The following CD226 variants were observed in gnomAD, a reference collection of about 807,000 sequenced individuals.
The protein encoded by CD226 is CD226 antigen.
Under a neutral mutation model 34.9 loss-of-function variants are expected in CD226, and 24 were observed. That is an observed-to-expected ratio of 0.69 (90% confidence interval 0.50 to 0.97). The LOEUF (loss-of-function observed/expected upper bound fraction) is 0.97. Ranked by LOEUF, CD226 falls within the 50% of genes least tolerant of loss-of-function variation. The pLI, the probability that CD226 is intolerant of heterozygous loss-of-function variation, is 0.00. For synonymous variants in CD226, 148 were observed against 147.4 expected (o/e 1.00, Z -0.03); for missense variants, 397 against 412.7 (o/e 0.96, Z 0.33).
At chr18:69,928,989 T>A (rs991982400) in intron 2 of CD226, among the ~76,000 whole-genome samples, 1 of 152,124 alleles carries the variant, frequency 6.6e-6, no homozygotes, top group Non-Finnish European at 1.5e-5. Context: ...CTTGTAAGAA[T>A]CAAGATTAAC....
At chr18:69,869,318 C>T (rs981085863) in intron 4 of CD226, among the ~76,000 whole-genome samples, 1 of 152,214 alleles carries the variant, frequency 6.6e-6, no homozygotes, top group African/African-American at 2.4e-5. Context: ...GAACACTATA[C>T]AGCCACAGAA....
At chr18:69,916,387 T>A (rs1056112484) in intron 2 of CD226, among the ~76,000 whole-genome samples, 2 of 152,038 alleles carry the variant, frequency 1.3e-5, no homozygotes, top group African/African-American at 4.8e-5. Flanking sequence ...CTCTATTTCC[T>A]CTCCCAAAAT....
rs746614473 is a variant in CD226, at chr18:69,947,446, A to T, written c.-40T>A. 1.4e-6 allele frequency: 2 copies of T among 1,467,190 alleles called. No homozygotes were observed. Among genetic ancestry groups the T allele is most frequent in the South Asian group, 2.5e-5 (2 of 81,394 alleles). The allele number at this position is 1,467,190 out of a possible 1,614,324, so 90.9% of individuals were successfully genotyped here. Reference sequence around the variant, plus strand: ...TGAAAGGCTGGTTCTATTAAAAAAAAAAATTGCTTTTTATAATGTGACATG... The same window carrying T: ...TGAAAGGCTGGTTCTATTAAAAAAATAAATTGCTTTTTATAATGTGACATG... On this transcript the variant is annotated 5_prime_UTR_variant, in exon 1 of 6. Coordinates refer to ENST00000582621, the MANE Select transcript of CD226 (RefSeq NM_001303618.2).
At chr18:69,912,490 T>C (rs76293571) in intron 2 of CD226, among the ~76,000 whole-genome samples, 384 of 152,332 alleles carry the variant, frequency 2.5e-3, no homozygotes, top group African/African-American at 8.7e-3. Flanking sequence ...AGAAAGGGTA[T>C]ACAAAGCTCT....
chr18:69,947,519 C>A lies in CD226; in HGVS notation c.-113G>T. ...TTCCTTCCTCTCAGATGTTATCAGT[C>A]GTGTCTTCTTTTTCTGAAGTATGAA... On this transcript the variant is annotated 5_prime_UTR_variant, in exon 1 of 6. Transcript: ENST00000582621. The A allele has an allele frequency of 1.7e-6, 1 of 589,108 alleles. No homozygotes were observed. The highest frequency in any genetic ancestry group is 3.2e-5 in the South Asian group (1 of 31,472). The allele number at this position is 589,108 out of a possible 1,614,324, so 36.5% of individuals were successfully genotyped here.
intron 2 of CD226, among the ~76,000 whole-genome samples, chr18:69,915,531 C>T (rs1038011792): frequency 6.6e-6 from 1 of 152,292 alleles, no homozygotes; most frequent in South Asian, 2.1e-4. Flanking sequence ...AATATGCTTC[C>T]TATGAATTGG....
In CD226 at chr18:69,870,109, T is replaced by A. The variant is rs891701578; in HGVS notation, c.831-2698A>T. ...GAGCCATCGCACCCAGCCAAGAGAT[T>A]TTCAATGCCAAAACCCAGAGAGCCC... On this transcript the variant is annotated intron_variant, in intron 4 of 5. Transcript: ENST00000582621. Among the ~76,000 whole-genome samples the A allele has an allele frequency of 1.5e-4, 23 of 151,450 alleles. No homozygotes were observed. The South Asian group carries it at 4.6e-3, about 30-fold the overall frequency.
intron 2 of CD226, among the ~76,000 whole-genome samples, chr18:69,921,460 G>C (rs972630868): frequency 6.6e-6 from 1 of 152,028 alleles, no homozygotes; most frequent in Admixed American, 6.6e-5. Flanking sequence ...CATCTTATTG[G>C]GCCATTGGAT....
At chr18:69,943,599 A>G (rs924891514) in intron 2 of CD226, among the ~76,000 whole-genome samples, 9 of 152,230 alleles carry the variant, frequency 5.9e-5, no homozygotes, top group Non-Finnish European at 1.2e-4. Flanking sequence ...TAGCATTGAT[A>G]GGAGGTACAA....
chr18:69,946,729 C>T lies in CD226; in HGVS notation c.382+5G>A. The T allele has an allele frequency of 1.3e-6, 2 of 1,590,200 alleles. No homozygotes were observed. The highest frequency in any genetic ancestry group is 1.8e-5 in the Admixed American group (1 of 55,390). ...GATTTAAAAAAAAAAAAAACTTGCC[C>T]TTACCTGACTGAACCACCTGTATCA... is the stretch of plus-strand genomic sequence containing the variant. On this transcript the variant is annotated splice_donor_5th_base_variant and intron_variant, in intron 2 of 5. Coordinates refer to ENST00000582621, the MANE Select transcript of CD226 (RefSeq NM_001303618.2).
In CD226 at chr18:69,861,750, G is replaced by A. The variant is rs970493287; in HGVS notation, c.*2564C>T. 2 of 151,592 alleles carry A rather than the reference G, an allele frequency of 1.3e-5. No individual in the cohort carries two copies. Among genetic ancestry groups the A allele is most frequent in the African/African-American group, 4.8e-5 (2 of 41,316 alleles). The allele number at this position is 151,592 out of a possible 1,614,324, so 9.4% of individuals were successfully genotyped here. Reference sequence around the variant, plus strand: ...AGTAGAGGGGGAGAAACATACACTAGGGAGAGTCCCAAAACTATCACGAAT... The same window carrying A: ...AGTAGAGGGGGAGAAACATACACTAAGGAGAGTCCCAAAACTATCACGAAT... On this transcript the variant is annotated 3_prime_UTR_variant, in exon 6 of 6. Coordinates refer to ENST00000582621, the MANE Select transcript of CD226 (RefSeq NM_001303618.2).
Position 69,946,076 on chromosome 18 carries a change from T to C in CD226, c.382+658A>G, listed in dbSNP as rs182382468. On this transcript the variant is annotated intron_variant, in intron 2 of 5. Coordinates refer to ENST00000582621, the MANE Select transcript of CD226 (RefSeq NM_001303618.2). ...GTGCACACCTGTAGTCCCAGCTACTTGCGGGGCTGAGGTAGGAGAATCGCT... is the reference window on the plus strand; with the variant it reads ...GTGCACACCTGTAGTCCCAGCTACTCGCGGGGCTGAGGTAGGAGAATCGCT... 4.5e-4 allele frequency among the ~76,000 whole-genome samples: 67 copies of C among 148,640 alleles called. 1 individual carries two copies. The highest frequency in any genetic ancestry group is 1.4e-3 in the African/African-American group (58 of 40,306).
At position 69,936,962 on chromosome 18, in the gene CD226, T is replaced by A. The variant is rs888523349; in HGVS notation, c.382+9772A>T. Among the ~76,000 whole-genome samples the A allele has an allele frequency of 2.6e-5, 4 of 152,150 alleles. No individual in the cohort carries two copies. The South Asian group carries it at 8.3e-4, about 32-fold the overall frequency. ...ACAGGCAATAGCCTTTCAGACCAAA[T>A]CTCCTCCTCCATCACTTTCACCTGT... On this transcript the variant is annotated intron_variant, in intron 2 of 5. Coordinates refer to ENST00000582621, the MANE Select transcript of CD226 (RefSeq NM_001303618.2).
At chr18:69,909,866 T>C (rs1281182788) in intron 2 of CD226, among the ~76,000 whole-genome samples, 3 of 152,288 alleles carry the variant, frequency 2.0e-5, no homozygotes, top group East Asian at 1.9e-4. Context: ...TTAGTTGAAA[T>C]AGAGAATATT....
chr18:69,947,367 A>ATGATGG lies in CD226; in HGVS notation c.39_40insCCATCA (p.Val13_Tyr14insProSer). On this transcript the variant is annotated inframe_insertion, in exon 1 of 6. Transcript: ENST00000582621. ...ATATAAAGATCATCTTTACCTCTGT[A>ATGATGG]TACATGAAGAAGAGCCAAAAGTAAA... The ATGATGG allele has an allele frequency of 1.9e-6, 3 of 1,575,502 alleles. No individual in the cohort carries two copies. Among genetic ancestry groups the ATGATGG allele is most frequent in the Non-Finnish European group, 2.6e-6 (3 of 1,154,870 alleles).
At chr18:69,895,223 T>C (rs1002065660) in intron 3 of CD226, among the ~76,000 whole-genome samples, 2 of 152,202 alleles carry the variant, frequency 1.3e-5, no homozygotes, top group African/African-American at 4.8e-5. Flanking sequence ...GGCTCCTGTC[T>C]GGCAAACTGG....
chr18:69,865,270 G>C (rs191791709), intron 5 of CD226, among the ~76,000 whole-genome samples: 1 of 152,122 alleles, frequency 6.6e-6, no homozygotes, highest in Non-Finnish European at 1.5e-5. Context: ...GATTACAAGC[G>C]TGAGCCACCA....
intron 2 of CD226, among the ~76,000 whole-genome samples, chr18:69,941,964 T>C (rs1056313201): frequency 2.7e-4 from 41 of 152,214 alleles, no homozygotes; most frequent in Non-Finnish European, 5.6e-4. Flanking sequence ...CATGCTGTTC[T>C]GGTGACAGTG....
intron 2 of CD226, among the ~76,000 whole-genome samples, chr18:69,942,114 C>G (rs982619339): frequency 8.5e-5 from 13 of 152,196 alleles, no homozygotes; most frequent in African/African-American, 3.1e-4. Context: ...TGAGGCCTCC[C>G]CAGCCATACT....
Sources: allele counts gnomAD v4.1 joint callset (sites outside exome capture counted in the v4.1 genomes callset), GRCh38; gene constraint gnomAD v4.1.1; transcripts MANE v1.5; gene names NCBI Gene and HGNC (gene_info 2026-07-23, HGNC 2026-07-21).